Variants in TRAK1 observed in about 807,000 individuals in gnomAD.
TRAK1 encodes the protein trafficking kinesin protein 1.
In TRAK1, 33 loss-of-function variants were observed where a neutral mutation model predicts 92.1. That is an observed-to-expected ratio of 0.36 (90% CI 0.27 to 0.48). The LOEUF is 0.48. Ranked by LOEUF, TRAK1 falls within the 20% of genes least tolerant of loss-of-function variation. TRAK1 has a pLI of 0.99. For synonymous variants in TRAK1, 521 were observed against 517.3 expected, an observed-to-expected ratio of 1.01 and a Z score of -0.10; for missense variants, 1,123 against 1,257.9, an observed-to-expected ratio of 0.89 and a Z score of 1.62.
chr3:42,049,945 T>C (rs1576180932), intron 1 of TRAK1, among the ~76,000 whole-genome samples: 1 of 152,222 alleles, frequency 6.6e-6, no homozygotes, highest in Non-Finnish European at 1.5e-5. Context: ...CTCAGGTGTC[T>C]AGTGGTCTTT....
chr3:42,095,284 G>C (rs1705736244), intron 1 of TRAK1, among the ~76,000 whole-genome samples: 1 of 152,194 alleles, frequency 6.6e-6, no homozygotes, highest in South Asian at 2.1e-4. Flanking sequence ...CGTTTGAGGA[G>C]GCACAGAGTA....
chr3:42,211,348 C>T (rs1023742008), intron 14 of TRAK1: 6 of 985,094 alleles, frequency 6.1e-6, no homozygotes, highest in Admixed American at 6.2e-5. Context: ...TTGTTTAGCA[C>T]ATAGGTTTAT....
intron 2 of TRAK1, among the ~76,000 whole-genome samples, chr3:42,158,481 T>G (rs563237133): frequency 6.6e-6 from 1 of 152,268 alleles, no homozygotes; most frequent in Non-Finnish European, 1.5e-5. Context: ...CTTATTAATA[T>G]TAAATAAGTA....
intron 13 of TRAK1, chr3:42,203,725 G>T: frequency 1.0e-6 from 1 of 983,544 alleles, no homozygotes. Context: ...AAAAATTATT[G>T]TCCCCTCTAA....
At chr3:42,048,674 A>G (rs950397594) in intron 1 of TRAK1, among the ~76,000 whole-genome samples, 2 of 150,514 alleles carry the variant, frequency 1.3e-5, no homozygotes, top group African/African-American at 4.9e-5. Context: ...GGATCCTCCC[A>G]TCTCAGCTTC....
intron 2 of TRAK1, among the ~76,000 whole-genome samples, chr3:42,147,665 A>G (rs938038522): frequency 6.6e-5 from 10 of 152,164 alleles, no homozygotes; most frequent in Non-Finnish European, 1.2e-4. Flanking sequence ...CTTGCAGTCC[A>G]CAAGAGGACA....
chr3:42,041,857 C>T (rs1169628746), intron 1 of TRAK1, among the ~76,000 whole-genome samples: 5 of 151,222 alleles, frequency 3.3e-5, no homozygotes, highest in South Asian at 2.1e-4. Flanking sequence ...TGCAGTGGCG[C>T]GATCTTGGCT....
intron 2 of TRAK1, among the ~76,000 whole-genome samples, chr3:42,153,172 G>T (rs748423153): frequency 1.1e-4 from 17 of 152,138 alleles, no homozygotes; most frequent in Non-Finnish European, 1.8e-4. Flanking sequence ...GCAGGCTAAA[G>T]GGGGGAGGAT....
At position 42,059,751 on chromosome 3, in the gene TRAK1, C is replaced by T. The variant is rs376411996; in HGVS notation, c.-518-27353C>T. On this transcript the variant is annotated intron_variant, in intron 1 of 16. Transcript: ENST00000487159. ...GAGAGACAGCTAGCTGTGATGGAGG[C>T]TCTTCTAGGCAGGATATAGGGTAAC... is the stretch of plus-strand genomic sequence containing the variant. Among the ~76,000 whole-genome samples, 4 of 152,154 alleles carry T rather than the reference C, an allele frequency of 2.6e-5. No individual in the cohort carries two copies. The East Asian group carries it at 5.8e-4, about 22-fold the overall frequency.
upstream of TRAK1, among the ~76,000 whole-genome samples, chr3:42,088,848 G>A (rs937757069): frequency 1.3e-5 from 2 of 152,190 alleles, no homozygotes; most frequent in African/African-American, 2.4e-5. Flanking sequence ...GCCTGGGAAC[G>A]TTGAAGGGCC....
chr3:42,026,726 T>C (rs1295683161), intron 1 of TRAK1, among the ~76,000 whole-genome samples: 1 of 152,028 alleles, frequency 6.6e-6, no homozygotes, highest in East Asian at 1.9e-4. Context: ...AATTTCACCA[T>C]GTTGGCCAGG....
rs3073703 is a variant in TRAK1, at chr3:42,136,645, A to ATAAATAAATAAAT, written c.286+11031_286+11032insTAAATAAATAAAT. ...TTCAATACAAAAGAAAAATAAATAA[A>ATAAATAAATAAAT]AAATAAATAAATAAATAAATAAATA... On this transcript the variant is annotated intron_variant, in intron 2 of 15. Transcript: ENST00000327628. Among the ~76,000 whole-genome samples, 439 of 136,490 alleles carry ATAAATAAATAAAT rather than the reference A, an allele frequency of 3.2e-3. 1 individual carries two copies. Among genetic ancestry groups the ATAAATAAATAAAT allele is most frequent in the South Asian group, 1.0e-2 (42 of 4,214 alleles). 89.5% of individuals were successfully genotyped at this position (136,490 alleles called of 152,430 possible). A position where few individuals can be genotyped will look rare whatever the true frequency, so the allele number is the denominator to read the frequency against.
rs772347225 is a variant in TRAK1, at chr3:42,201,005, G to A, written c.1378G>A (p.Asp460Asn). 4.3e-6 allele frequency: 7 copies of A among 1,614,026 alleles called. No individual in the cohort carries two copies. Among genetic ancestry groups the A allele is most frequent in the South Asian group, 3.3e-5 (3 of 91,074 alleles). Reference sequence around the variant, plus strand: ...CAGCGACATAGGCAACGTCGTCCTCGACAACAAGACCAACAGCATCATTCT... The same window carrying A: ...CAGCGACATAGGCAACGTCGTCCTCAACAACAAGACCAACAGCATCATTCT... ...YGSDIGNVVL[D>N]NKTNSIILET... The change falls in exon 12 of 16, where the codon GAC (aspartate) becomes AAC (asparagine). Residue 460 changes from aspartate to asparagine, a missense_variant. This residue lies in a region of TRAK1 where 686 missense variants were observed against 747.6 expected (regional missense o/e 0.92). Transcript: ENST00000327628.
chr3:42,208,275 T>A (rs1708562200), intron 13 of TRAK1, among the ~76,000 whole-genome samples: 1 of 152,232 alleles, frequency 6.6e-6, no homozygotes, highest in South Asian at 2.1e-4. Flanking sequence ...GATGTGGGTG[T>A]CTGGGAACTC....
At chr3:42,083,559 T>C (rs1186993003), upstream of TRAK1, among the ~76,000 whole-genome samples, 3 of 152,232 alleles carry the variant, frequency 2.0e-5, no homozygotes, top group African/African-American at 7.2e-5. Flanking sequence ...AGAAGTCTTA[T>C]GTGACTATCT....
At chr3:42,039,366 T>G (rs186984672) in intron 1 of TRAK1, among the ~76,000 whole-genome samples, 1 of 152,322 alleles carries the variant, frequency 6.6e-6, no homozygotes, top group East Asian at 1.9e-4. Context: ...TTCCACTTAT[T>G]ATTTATTTAT....
At chr3:42,013,653 G>T (rs1047870630), upstream of TRAK1, 7 of 148,372 alleles carry the variant, frequency 4.7e-5, no homozygotes, top group Admixed American at 2.7e-4. The surrounding 1 kb of genome is among the most constrained non-coding windows in gnomAD (Gnocchi z 5.1). Flanking sequence ...GCTCGCGGGG[G>T]AGCCATGGCG....
chr3:42,146,742 G>C (rs559056325), intron 2 of TRAK1, among the ~76,000 whole-genome samples: 7 of 152,098 alleles, frequency 4.6e-5, no homozygotes, highest in Admixed American at 2.6e-4. Flanking sequence ...TTTTTGTAGA[G>C]ATGAGATTTG....
intron 1 of TRAK1, among the ~76,000 whole-genome samples, chr3:42,035,454 G>C (rs1010854540): frequency 2.0e-5 from 3 of 152,054 alleles, no homozygotes; most frequent in Admixed American, 2.0e-4. Context: ...AACGCTTCCC[G>C]GCTGACCACC....
Sources: gnomAD v4.1 joint callset for allele counts (sites outside exome capture counted in the v4.1 genomes callset) on GRCh38, gnomAD v4.1.1 for gene constraint, gnomAD v4.1.1 regional missense constraint, Gnocchi (gnomAD v3.1) non-coding constraint, MANE v1.5 for transcripts, NCBI Gene and HGNC (gene_info 2026-07-23, HGNC 2026-07-21) for gene names.